LLGL2: variants seen among roughly 807,000 people sequenced by gnomAD.
LLGL2 encodes the protein LLGL scribble cell polarity complex component 2.
Under a neutral mutation model 123.2 loss-of-function variants are expected in LLGL2, and 81 were observed. The observed-to-expected ratio is 0.66, with a 90% confidence interval of 0.55 to 0.79. The LOEUF is 0.79. Among genes scored for constraint, LLGL2 ranks in the 30% least tolerant of loss-of-function variants. The probability of loss-of-function intolerance (pLI) is 0.00; values close to 1 mark genes in which losing one functional copy is unlikely to be tolerated. For synonymous variants in LLGL2, 577 were observed against 594.1 expected, an observed-to-expected ratio of 0.97 and a Z score of 0.42; for missense variants, 1,273 against 1,414.6, an observed-to-expected ratio of 0.90 and a Z score of 1.61.
At chr17:75,526,518 G>T (rs1197847176) in intron 1 of LLGL2, among the ~76,000 whole-genome samples, 1 of 152,196 alleles carries the variant, frequency 6.6e-6, no homozygotes, top group Non-Finnish European at 1.5e-5. Flanking sequence ...CCGGCTGGAC[G>T]ATTGGTGGAC....
chr17:75,567,965 A>G, intron 10 of LLGL2: 1 of 688,704 alleles, frequency 1.5e-6, no homozygotes, highest in Non-Finnish European at 1.8e-6. Context: ...AAAAAAAAAA[A>G]GACAAATGGT....
chr17:75,536,578 A>T (rs116880598), intron 1 of LLGL2, among the ~76,000 whole-genome samples: 4,267 of 152,246 alleles, frequency 0.028, 67 homozygotes, highest in Middle Eastern at 0.12. Context: ...ACATTCCACC[A>T]GCAGGACAGG....
At position 75,568,516 on chromosome 17, in the gene LLGL2, G is replaced by A; in HGVS notation, c.1077G>A (p.Glu359=). 1 of 1,613,500 alleles carries A rather than the reference G, an allele frequency of 6.2e-7. No homozygotes were observed. The highest frequency in any genetic ancestry group is 1.1e-5 in the South Asian group (1 of 91,076). ...DPYALVVLAE[E]ELVVIDLQTA... ...ATGCCCTGGTGGTGCTGGCTGAGGAGGAGCTGGTGGTGATTGACCTGCAGA... is the reference window on the plus strand; with the variant it reads ...ATGCCCTGGTGGTGCTGGCTGAGGAAGAGCTGGTGGTGATTGACCTGCAGA... The change falls in exon 11 of 26, where the codon GAG becomes GAA. Residue 359 remains glutamate (E), a synonymous_variant. Coordinates refer to ENST00000392550, the MANE Select transcript of LLGL2 (RefSeq NM_001031803.2).
chr17:75,550,470 G>T (rs1598564948), intron 2 of LLGL2, among the ~76,000 whole-genome samples: 1 of 151,830 alleles, frequency 6.6e-6, no homozygotes, highest in East Asian at 1.9e-4. Flanking sequence ...GATCCAAGGG[G>T]GTGGGAAGGG....
At chr17:75,533,960 A>G (rs533373495) in intron 1 of LLGL2, among the ~76,000 whole-genome samples, 4 of 152,342 alleles carry the variant, frequency 2.6e-5, no homozygotes, top group Admixed American at 6.5e-5. Flanking sequence ...GGCCAGCACA[A>G]TCCCCACCTC....
At chr17:75,570,310 A>G (rs1184832298) in intron 15 of LLGL2, 38 bp from the exon 16 acceptor site, 1 of 1,607,378 alleles carries the variant, frequency 6.2e-7, no homozygotes, top group Non-Finnish European at 8.5e-7. Flanking sequence ...GAGGACTCCC[A>G]GGACCTAGCA....
At chr17:75,557,809 T>A (rs2054984649) in intron 3 of LLGL2, 1 of 371,170 alleles carries the variant, frequency 2.7e-6, no homozygotes, top group Non-Finnish European at 5.2e-6. Flanking sequence ...TGCCGTGTGT[T>A]TTTTCACAGG....
chr17:75,529,818 G>A (rs1405185415), intron 1 of LLGL2, among the ~76,000 whole-genome samples: 8 of 151,934 alleles, frequency 5.3e-5, no homozygotes, highest in Non-Finnish European at 1.2e-4. Context: ...CCGAGATCGC[G>A]CCACTGCACT....
chr17:75,537,077 C>A (rs1018050956), intron 1 of LLGL2, among the ~76,000 whole-genome samples: 13 of 152,170 alleles, frequency 8.5e-5, no homozygotes, highest in African/African-American at 2.9e-4. Flanking sequence ...CCCGCCTCGG[C>A]CTCCCAAAGT....
chr17:75,552,128 T>TAA (rs35724508), intron 2 of LLGL2, among the ~76,000 whole-genome samples: 26 of 150,062 alleles, frequency 1.7e-4, no homozygotes, highest in Non-Finnish European at 3.4e-4. Context: ...ACTCTGTCTT[T>TAA]AAAAAAAAAG....
At chr17:75,531,086 T>C (rs1002025441) in intron 1 of LLGL2, among the ~76,000 whole-genome samples, 1 of 152,142 alleles carries the variant, frequency 6.6e-6, no homozygotes, top group Non-Finnish European at 1.5e-5. Flanking sequence ...CTCACCCTGC[T>C]GGGTGGCAGG....
chr17:75,567,956 A>AAAG, intron 10 of LLGL2: 1 of 673,246 alleles, frequency 1.5e-6, no homozygotes. Context: ...AAAAGAAAAA[A>AAAG]AAAAAAAAAG....
At chr17:75,556,278 A>G (rs1056706109) in intron 3 of LLGL2, 135 bp downstream of exon 3, 2 of 721,846 alleles carry the variant, frequency 2.8e-6, no homozygotes, top group South Asian at 1.8e-5. Flanking sequence ...AGTTTTGGAC[A>G]TGATTTTATT....
At position 75,563,345 on chromosome 17, in the gene LLGL2, C is replaced by A. The variant is rs150868733; in HGVS notation, c.708C>A (p.Ile236=). Residue 236 remains isoleucine (I), a synonymous_variant, in exon 8 of 26, where the codon ATC becomes ATA. Coordinates refer to ENST00000392550, the MANE Select transcript of LLGL2 (RefSeq NM_001031803.2). The stretch of plus-strand genomic sequence containing the variant: ...TTCCTCCATAGCAACTGGAGAACAT[C>A]TGGTGGCAGCGGGACGGCCGCCTGC... ...HFLSSQQLEN[I]WWQRDGRLLV... 13 of 1,612,772 alleles carry A rather than the reference C, an allele frequency of 8.1e-6. No individual in the cohort carries two copies. In the East Asian group the frequency reaches 2.7e-4, roughly 33 times the overall value.
chr17:75,550,013 C>T (rs1472652866), intron 2 of LLGL2, among the ~76,000 whole-genome samples: 1 of 152,226 alleles, frequency 6.6e-6, no homozygotes. Flanking sequence ...TGGCAGAGGT[C>T]ACCTGAGCCA....
intron 3 of LLGL2, among the ~76,000 whole-genome samples, chr17:75,556,994 A>G (rs898095342): frequency 9.6e-5 from 14 of 146,318 alleles, no homozygotes; most frequent in African/African-American, 3.4e-4. Flanking sequence ...GTGCCACTGC[A>G]CTCCAGCCTG....
intron 2 of LLGL2, among the ~76,000 whole-genome samples, chr17:75,545,684 T>C (rs1056485678): frequency 1.3e-5 from 2 of 152,174 alleles, no homozygotes; most frequent in Middle Eastern, 3.4e-3. Context: ...AGGGAGTGAA[T>C]AGTGGTCCCA....
In LLGL2 at chr17:75,564,470, C is replaced by T. The variant is rs768834216; in HGVS notation, c.999C>T (p.Ile333=). 3.7e-6 allele frequency: 6 copies of T among 1,613,314 alleles called. No individual in the cohort carries two copies. In the South Asian group the frequency reaches 5.5e-5, roughly 15 times the overall value. Reference sequence around the variant, plus strand: ...CCTTCGACTTCACCTCCCGTGTCATCGGCTTCACTGTCCTCACAGAGGCAG... The same window carrying T: ...CCTTCGACTTCACCTCCCGTGTCATTGGCTTCACTGTCCTCACAGAGGCAG... ...QTAFDFTSRV[I]GFTVLTEADP... The change falls in exon 10 of 26, where the codon ATC becomes ATT. Residue 333 remains isoleucine, a synonymous_variant. Transcript: ENST00000392550. The surrounding 1 kb of genome is among the most constrained non-coding windows in gnomAD (Gnocchi z 4.9).
At position 75,549,608 on chromosome 17, in the gene LLGL2, G is replaced by T. The variant is rs1204064956; in HGVS notation, c.75+6107G>T. ...CAGGGAGGGCCAGGCTGCCGCCACT[G>T]CCAGGAATCTGAGCTGGCCACACCC... is the stretch of plus-strand genomic sequence containing the variant. On this transcript the variant is annotated intron_variant, in intron 2 of 25. Transcript: ENST00000392550. This position sits in a 1 kb window ranked among gnomAD's most constrained non-coding sequence, Gnocchi z 4.0. Among the ~76,000 whole-genome samples the T allele has an allele frequency of 1.3e-5, 2 of 152,250 alleles. No homozygotes were observed. The highest frequency in any genetic ancestry group is 2.9e-5 in the Non-Finnish European group (2 of 68,036).
Sources: gnomAD v4.1 joint callset for allele counts (sites outside exome capture counted in the v4.1 genomes callset) on GRCh38, gnomAD v4.1.1 for gene constraint, Gnocchi (gnomAD v3.1) non-coding constraint, MANE v1.5 for transcripts, NCBI Gene and HGNC (gene_info 2026-07-23, HGNC 2026-07-21) for gene names.